KIAA1217: variants seen among roughly 807,000 people sequenced by gnomAD.
KIAA1217 encodes sickle tail protein homolog.
A neutral mutation model predicts 163.9 loss-of-function variants in KIAA1217; 88 were observed. The observed-to-expected ratio is 0.54, with a 90% CI of 0.45 to 0.64. The LOEUF (loss-of-function observed/expected upper bound fraction) is 0.64, where lower values mean the gene tolerates loss of function less well. KIAA1217 is among the 30% of genes least tolerant of loss of function. The probability of loss-of-function intolerance (pLI) is 0.00; values close to 1 mark genes in which losing one functional copy is unlikely to be tolerated. For synonymous variants in KIAA1217, 903 were observed against 923.1 expected (o/e 0.98, Z 0.39); for missense variants, 2,372 against 2,475.0 (o/e 0.96, Z 0.88).
intron 1 of KIAA1217, among the ~76,000 whole-genome samples, chr10:23,950,790 T>A (rs1420351383): frequency 6.6e-6 from 1 of 152,202 alleles, no homozygotes; most frequent in African/African-American, 2.4e-5. Context: ...ACTTGTTTAT[T>A]GTCTGTTTCT....
intron 5 of KIAA1217, chr10:24,466,706 GCAAA>G (rs886921546): frequency 2.0e-6 from 2 of 985,442 alleles, no homozygotes; most frequent in African/African-American, 1.7e-5. Context: ...GATGAAGCCA[GCAAA>G]CAAAGGAATC....
intron 2 of KIAA1217, among the ~76,000 whole-genome samples, chr10:24,059,975 T>C (rs895581812): frequency 4.6e-5 from 7 of 152,320 alleles, no homozygotes; most frequent in Non-Finnish European, 8.8e-5. Context: ...AGTAGTCTCT[T>C]ACAATCTATT....
chr10:23,767,200 A>C (rs916727257), intron 1 of KIAA1217, among the ~76,000 whole-genome samples: 9 of 152,212 alleles, frequency 5.9e-5, no homozygotes, highest in African/African-American at 2.2e-4. Flanking sequence ...CATCCTGAGA[A>C]TTACAGCTGA....
intron 1 of KIAA1217, among the ~76,000 whole-genome samples, chr10:23,700,016 A>G (rs892691785): frequency 6.6e-6 from 1 of 152,210 alleles, no homozygotes; most frequent in East Asian, 1.9e-4. Flanking sequence ...TGCATCACTT[A>G]GATAGAACTG....
At chr10:23,919,651 C>CTCAT (rs143283636) in intron 1 of KIAA1217, among the ~76,000 whole-genome samples, 2,795 of 143,794 alleles carry the variant, frequency 0.019, 57 homozygotes, top group Admixed American at 0.062. Flanking sequence ...GATTCATTTA[C>CTCAT]TCATTCATTC....
intron 1 of KIAA1217, among the ~76,000 whole-genome samples, chr10:23,774,309 G>T (rs1834920696): frequency 6.6e-6 from 1 of 152,202 alleles, no homozygotes. Context: ...AGGACCATCA[G>T]GTGTTCTGTG....
At chr10:24,411,509 T>A (rs1000522907) in intron 3 of KIAA1217, among the ~76,000 whole-genome samples, 2 of 152,230 alleles carry the variant, frequency 1.3e-5, no homozygotes, top group Non-Finnish European at 2.9e-5. Context: ...TTTAAATGCA[T>A]TTTGATACTA....
chr10:24,494,635 A>G (rs2066547715), intron 7 of KIAA1217, 31 bp downstream of exon 7: 1 of 1,374,212 alleles, frequency 7.3e-7, no homozygotes, highest in South Asian at 1.2e-5. Flanking sequence ...TGAAAAAAAT[A>G]ATTCAATCTG....
intron 2 of KIAA1217, among the ~76,000 whole-genome samples, chr10:24,120,510 C>T (rs1470146332): frequency 1.3e-5 from 2 of 152,216 alleles, no homozygotes; most frequent in African/African-American, 4.8e-5. Context: ...CCCCTATAGC[C>T]TCTTTTATGA....
chr10:24,373,481 G>A (rs1400365269), intron 2 of KIAA1217, among the ~76,000 whole-genome samples: 1 of 152,116 alleles, frequency 6.6e-6, no homozygotes, highest in Non-Finnish European at 1.5e-5. Context: ...ACCCTTCCCT[G>A]TGGGAAGACC....
At chr10:24,005,432 A>G (rs1387937317) in intron 1 of KIAA1217, among the ~76,000 whole-genome samples, 2 of 152,202 alleles carry the variant, frequency 1.3e-5, no homozygotes, top group Non-Finnish European at 2.9e-5. Flanking sequence ...ATTTGAAGCA[A>G]TCAAACAGCT....
chr10:24,450,320 T>G (rs2132265765), intron 5 of KIAA1217, among the ~76,000 whole-genome samples: 1 of 152,320 alleles, frequency 6.6e-6, no homozygotes, highest in African/African-American at 2.4e-5. Flanking sequence ...TTTAAAGAAA[T>G]AGCAGTTTAA....
At chr10:24,444,811 A>G (rs2060788130) in intron 5 of KIAA1217, among the ~76,000 whole-genome samples, 1 of 152,204 alleles carries the variant, frequency 6.6e-6, no homozygotes, top group Non-Finnish European at 1.5e-5. Flanking sequence ...TCTAAAGCTT[A>G]GAATTAAATT....
chr10:23,723,078 C>T (rs1294322221), intron 1 of KIAA1217, among the ~76,000 whole-genome samples: 1 of 152,144 alleles, frequency 6.6e-6, no homozygotes, highest in Non-Finnish European at 1.5e-5. Context: ...ATTCTTTGAC[C>T]AGTCACTGGC....
intron 1 of KIAA1217, among the ~76,000 whole-genome samples, chr10:24,218,410 C>A (rs1023715424): frequency 5.3e-5 from 8 of 152,144 alleles, no homozygotes; most frequent in African/African-American, 1.9e-4. Context: ...ATTGCTCTTC[C>A]TTTTCACTGT....
At chr10:24,207,408 C>T (rs1286353517), upstream of KIAA1217, among the ~76,000 whole-genome samples, 2 of 151,996 alleles carry the variant, frequency 1.3e-5, no homozygotes, top group African/African-American at 4.8e-5. Context: ...ATGATCTGGA[C>T]CTGAAAGGCT....
intron 2 of KIAA1217, among the ~76,000 whole-genome samples, chr10:24,305,019 G>A (rs572042007): frequency 6.6e-6 from 1 of 152,294 alleles, no homozygotes; most frequent in South Asian, 2.1e-4. Context: ...GAACAAATGG[G>A]AGGTGAGGGA....
At chr10:23,962,953 T>A (rs1429757426) in intron 1 of KIAA1217, among the ~76,000 whole-genome samples, 1 of 152,192 alleles carries the variant, frequency 6.6e-6, no homozygotes, top group African/African-American at 2.4e-5. Context: ...ATGTAGAATG[T>A]TATTAGAATA....
rs566597327 is a variant in KIAA1217 at position 23,998,717 on chromosome 10, A to G, written c.-320-8508A>G. ...GTTGGGGAAACTGGGCACTTACAAAAGGTCTTACTGATTCTCTGGCTCAAC... is the reference window on the plus strand; with the variant it reads ...GTTGGGGAAACTGGGCACTTACAAAGGGTCTTACTGATTCTCTGGCTCAAC... On this transcript the variant is annotated intron_variant, in intron 1 of 18. Coordinates refer to the KIAA1217 transcript ENST00000376462. Among the ~76,000 whole-genome samples, 134 of 152,362 alleles carry G rather than the reference A, an allele frequency of 8.8e-4. 1 individual carries two copies. Among genetic ancestry groups the G allele is most frequent in the African/African-American group, 3.1e-3 (130 of 41,594 alleles).
Sources: gnomAD v4.1 joint callset for allele counts (sites outside exome capture counted in the v4.1 genomes callset) on GRCh38, gnomAD v4.1.1 for gene constraint, MANE v1.5 for transcripts, NCBI Gene and HGNC (gene_info 2026-07-23, HGNC 2026-07-21) for gene names.